ZCCHC24: variants seen among roughly 807,000 people sequenced by gnomAD.
ZCCHC24 encodes zinc finger CCHC-type containing 24, also known as zinc finger CCHC domain-containing protein 24.
ZCCHC24 carries 10 observed loss-of-function variants against 26.2 expected under a neutral mutation model. The ratio of observed to expected loss-of-function variants is 0.38; its 90% CI spans 0.24 to 0.65. ZCCHC24 has a LOEUF of 0.65. Among genes scored for constraint, ZCCHC24 ranks in the 30% least tolerant of loss-of-function variants. The probability of loss-of-function intolerance (pLI) is 0.54; values close to 1 mark genes in which losing one functional copy is unlikely to be tolerated. For missense variants in ZCCHC24, 243 were observed against 329.1 expected, an observed-to-expected ratio of 0.74 and a Z score of 2.03; for synonymous variants, 144 against 147.1, an observed-to-expected ratio of 0.98 and a Z score of 0.15.
chr10:79,414,832 T>C (rs1490387236), intron 2 of ZCCHC24, among the ~76,000 whole-genome samples: 1 of 152,086 alleles, frequency 6.6e-6, no homozygotes, highest in Non-Finnish European at 1.5e-5. Flanking sequence ...ACCCAGGTGG[T>C]TCTAATGTGA....
intron 2 of ZCCHC24, among the ~76,000 whole-genome samples, chr10:79,400,569 T>C (rs1179892993): frequency 1.3e-5 from 2 of 152,256 alleles, no homozygotes; most frequent in African/African-American, 4.8e-5. Flanking sequence ...TCTGTCTTAA[T>C]GAATGAATTG....
chr10:79,435,482 T>TTGCCCC (rs924903956), intron 1 of ZCCHC24, among the ~76,000 whole-genome samples: 1 of 152,178 alleles, frequency 6.6e-6, no homozygotes, highest in Non-Finnish European at 1.5e-5. Context: ...GGCCGCAGCC[T>TTGCCCC]TGCCCCTGCC....
In ZCCHC24 at chr10:79,445,345, G is replaced by T; in HGVS notation, c.96C>A (p.His32Gln). The stretch of plus-strand genomic sequence containing the variant: ...GGAAGGCATCGAAGGCGCTAGCCTG[G>T]TGCGTGTCCTGCAGCGACAGGTAGA... Reference protein sequence around the residue: ...NWVYLSLQDTHQASAFDAFRP... With the variant: ...NWVYLSLQDTQQASAFDAFRP... Residue 32 changes from histidine (H) to glutamine (Q), a missense_variant, in exon 1 of 4, where the codon CAC (histidine) becomes CAA (glutamine). Coordinates refer to ENST00000372336, the MANE Select transcript of ZCCHC24 (RefSeq NM_153367.4). The T allele has an allele frequency of 3.9e-6, 6 of 1,536,382 alleles. No homozygotes were observed. Among genetic ancestry groups the T allele is most frequent in the Non-Finnish European group, 5.2e-6 (6 of 1,144,432 alleles).
chr10:79,432,408 G>A (rs1857143762), intron 2 of ZCCHC24, 150 bp downstream of exon 2: 4 of 814,470 alleles, frequency 4.9e-6, no homozygotes, highest in Admixed American at 7.3e-5. Flanking sequence ...AATCCCAGCA[G>A]GGACAAAAGG....
intron 3 of ZCCHC24, 122 bp from the exon 4 acceptor site, chr10:79,386,580 A>G: frequency 1.4e-6 from 1 of 691,678 alleles, no homozygotes; most frequent in Non-Finnish European, 2.4e-6. Flanking sequence ...GGAGGGGACC[A>G]GACAGAGAGG....
chr10:79,396,906 A>C (rs1482244988), intron 2 of ZCCHC24, among the ~76,000 whole-genome samples: 1 of 152,220 alleles, frequency 6.6e-6, no homozygotes. Context: ...CTGAGGATTA[A>C]ATGAGCTGAG....
intron 2 of ZCCHC24, among the ~76,000 whole-genome samples, chr10:79,398,853 C>G (rs1313132683): frequency 6.6e-6 from 1 of 152,150 alleles, no homozygotes; most frequent in African/African-American, 2.4e-5. Flanking sequence ...CATTATCAAC[C>G]TATTAACAGA....
intron 1 of ZCCHC24, chr10:79,444,019 C>T: frequency 6.9e-7 from 1 of 1,439,008 alleles, no homozygotes; most frequent in Non-Finnish European, 9.2e-7. Flanking sequence ...CCCTCTGCCT[C>T]CCTCTCTTAC....
intron 2 of ZCCHC24, among the ~76,000 whole-genome samples, chr10:79,412,361 T>C (rs2132196201): frequency 6.6e-6 from 1 of 152,298 alleles, no homozygotes; most frequent in Non-Finnish European, 1.5e-5. Flanking sequence ...TCTGTGCGAG[T>C]GTGCACAGGT....
chr10:79,441,771 G>T (rs554105968), intron 1 of ZCCHC24, among the ~76,000 whole-genome samples: 10 of 152,252 alleles, frequency 6.6e-5, no homozygotes, highest in Non-Finnish European at 1.0e-4. Flanking sequence ...TTGACAGTAG[G>T]GCCACACCTT....
chr10:79,390,666 G>A (rs1490071956), intron 3 of ZCCHC24, among the ~76,000 whole-genome samples: 1 of 152,214 alleles, frequency 6.6e-6, no homozygotes, highest in South Asian at 2.1e-4. Context: ...CTCGGCAGAC[G>A]GAAAACACTC....
chr10:79,439,262 C>T (rs1229108402), intron 1 of ZCCHC24, among the ~76,000 whole-genome samples: 1 of 152,206 alleles, frequency 6.6e-6, no homozygotes, highest in African/African-American at 2.4e-5. Flanking sequence ...ATCAGCATAC[C>T]CAAGCCTCTG....
At position 79,393,520 on chromosome 10, in the gene ZCCHC24, T is replaced by A. The variant is rs529605917; in HGVS notation, c.612+756A>T. Among the ~76,000 whole-genome samples the A allele has an allele frequency of 3.3e-5, 5 of 152,332 alleles. No homozygotes were observed. In the East Asian group the frequency reaches 5.8e-4, roughly 18 times the overall value. On this transcript the variant is annotated intron_variant, in intron 3 of 3. Coordinates refer to ENST00000372336, the MANE Select transcript of ZCCHC24 (RefSeq NM_153367.4). The stretch of plus-strand genomic sequence containing the variant: ...GAGTTCAGTCCCCTCCCAGCTCACA[T>A]GAGGCTATGCTATTGGCTTTCCCAC...
At chr10:79,392,576 C>T (rs912011864) in intron 3 of ZCCHC24, among the ~76,000 whole-genome samples, 1 of 152,236 alleles carries the variant, frequency 6.6e-6, no homozygotes, top group African/African-American at 2.4e-5. Context: ...CTGCACTGGG[C>T]TCCAAGCTCT....
chr10:79,442,670 C>T (rs1857305838), intron 1 of ZCCHC24, among the ~76,000 whole-genome samples: 2 of 152,208 alleles, frequency 1.3e-5, no homozygotes, highest in Admixed American at 6.5e-5. Flanking sequence ...CCCCTGGGTC[C>T]CTCCGTAGAG....
chr10:79,438,445 A>G (rs943043049), intron 1 of ZCCHC24, among the ~76,000 whole-genome samples: 1 of 152,196 alleles, frequency 6.6e-6, no homozygotes, highest in Admixed American at 6.5e-5. Context: ...GAAGCGAGCC[A>G]ATGGGAAAAC....
In ZCCHC24 at chr10:79,403,440, C is replaced by T. The variant is rs112816946; in HGVS notation, c.448-9000G>A. On this transcript the variant is annotated intron_variant, in intron 2 of 3. Transcript: ENST00000372336. Reference sequence around the variant, plus strand: ...ACACTCACATGTCCACATGCACGGCCGGGGGAGGCAGGTGGAAGGGCTGCG... The same window carrying T: ...ACACTCACATGTCCACATGCACGGCTGGGGGAGGCAGGTGGAAGGGCTGCG... The T allele has an allele frequency of 4.5e-3, 4,479 of 985,438 alleles. 20 individuals carry two copies. Among genetic ancestry groups the T allele is most frequent in the Non-Finnish European group, 5.2e-3 (4,302 of 829,924 alleles). 61.0% of individuals were successfully genotyped at this position (985,438 alleles called of 1,614,324 possible).
In ZCCHC24 at chr10:79,386,180, T is replaced by TC. The variant is rs1258493722; in HGVS notation, c.*164_*165insG. 1.6e-6 allele frequency: 1 copy of TC among 639,668 alleles called. No individual in the cohort carries two copies. Among genetic ancestry groups the TC allele is most frequent in the Non-Finnish European group, 2.9e-6 (1 of 350,040 alleles). The allele number at this position is 639,668 out of a possible 1,614,324, so 39.6% of individuals were successfully genotyped here. A position where few individuals can be genotyped will look rare whatever the true frequency, so the allele number is the denominator to read the frequency against. On this transcript the variant is annotated 3_prime_UTR_variant, in exon 4 of 4. Coordinates refer to ENST00000372336, the MANE Select transcript of ZCCHC24 (RefSeq NM_153367.4). ...GGGCAGCAATGTCAGTAACACTGTT[T>TC]GTCAACACACACAAGACAAGGACGC...
chr10:79,435,527 AG>A (rs1445878006), intron 1 of ZCCHC24, among the ~76,000 whole-genome samples: 1 of 152,154 alleles, frequency 6.6e-6, no homozygotes, highest in African/African-American at 2.4e-5. Flanking sequence ...GTGAGGCCAG[AG>A]CTTCCCCTCC....
Sources: allele counts gnomAD v4.1 joint callset (sites outside exome capture counted in the v4.1 genomes callset), GRCh38; gene constraint gnomAD v4.1.1; transcripts MANE v1.5; gene names NCBI Gene and HGNC (gene_info 2026-07-23, HGNC 2026-07-21).